Variants in DIAPH3 observed in about 807,000 individuals in gnomAD.
DIAPH3 encodes the protein protein diaphanous homolog 3.
A neutral mutation model predicts 144.3 loss-of-function variants in DIAPH3; 117 were observed. The observed-to-expected ratio is 0.81, with a 90% CI of 0.70 to 0.95. DIAPH3 has a LOEUF of 0.95. Ranked by LOEUF, DIAPH3 falls within the 40% of genes least tolerant of loss-of-function variation. The pLI is 0.00. For synonymous variants in DIAPH3, 519 were observed against 488.9 expected (o/e 1.06, Z -0.81); for missense variants, 1,421 against 1,412.7 (o/e 1.01, Z -0.09).
At chr13:59,697,151 G>A (rs1033929904) in intron 27 of DIAPH3, among the ~76,000 whole-genome samples, 2 of 151,910 alleles carry the variant, frequency 1.3e-5, no homozygotes, top group African/African-American at 4.8e-5. Context: ...TAAGACAGCA[G>A]AAAGGTTTTT....
At chr13:59,980,048 T>C (rs1293987901) in intron 14 of DIAPH3, among the ~76,000 whole-genome samples, 1 of 151,618 alleles carries the variant, frequency 6.6e-6, no homozygotes, top group African/African-American at 2.4e-5. Flanking sequence ...GTTATTTATA[T>C]CCTACTGCTT....
At position 60,098,648 on chromosome 13, in the gene DIAPH3, T is replaced by TA. The variant is rs895091113; in HGVS notation, c.391-4917dup. 2.2e-4 allele frequency among the ~76,000 whole-genome samples: 33 copies of TA among 150,142 alleles called. No individual in the cohort carries two copies. In the East Asian group the frequency reaches 4.1e-3, roughly 19 times the overall value. On this transcript the variant is annotated intron_variant, in intron 3 of 27. Transcript: ENST00000400324. The stretch of plus-strand genomic sequence containing the variant: ...ATATAGAAACACATATAGCTGACCT[T>TA]AAAAAAAAAGGCAATATAAACTATT...
At chr13:60,126,596 C>G (rs546516250) in intron 2 of DIAPH3, among the ~76,000 whole-genome samples, 8 of 152,248 alleles carry the variant, frequency 5.3e-5, no homozygotes, top group Admixed American at 5.2e-4. Context: ...AACAGCACTA[C>G]CAACCATTCA....
chr13:59,902,787 T>G (rs965711818), intron 20 of DIAPH3, among the ~76,000 whole-genome samples: 2 of 151,920 alleles, frequency 1.3e-5, no homozygotes, highest in Non-Finnish European at 2.9e-5. Context: ...AAAATAAAAG[T>G]AAAAATAAAG....
At chr13:59,679,145 C>A (rs2032799603) in intron 27 of DIAPH3, among the ~76,000 whole-genome samples, 1 of 152,186 alleles carries the variant, frequency 6.6e-6, no homozygotes, top group African/African-American at 2.4e-5. Context: ...TTCTCAGAAG[C>A]TGCTCCCTTT....
At chr13:60,109,267 G>A (rs535593678) in intron 3 of DIAPH3, among the ~76,000 whole-genome samples, 38 of 152,226 alleles carry the variant, frequency 2.5e-4, no homozygotes, top group African/African-American at 8.7e-4. Flanking sequence ...CAGTCAAGCC[G>A]ACCAGGATTT....
chr13:59,694,181 T>TA (rs1405544785), intron 27 of DIAPH3, among the ~76,000 whole-genome samples: 3 of 152,148 alleles, frequency 2.0e-5, no homozygotes, highest in African/African-American at 7.2e-5. Flanking sequence ...AGAATGGACT[T>TA]AGTCAAGGTA....
At chr13:59,984,248 A>G (rs902022752) in intron 12 of DIAPH3, among the ~76,000 whole-genome samples, 3 of 151,812 alleles carry the variant, frequency 2.0e-5, no homozygotes, top group Non-Finnish European at 4.4e-5. Flanking sequence ...GCTATCATTA[A>G]TTCACTTCAT....
intron 25 of DIAPH3, among the ~76,000 whole-genome samples, chr13:59,782,280 G>A (rs1252381557): frequency 1.3e-5 from 2 of 152,136 alleles, no homozygotes. Flanking sequence ...AAAGGAAGAG[G>A]GGTAATCCAC....
intron 27 of DIAPH3, among the ~76,000 whole-genome samples, chr13:59,678,027 A>C (rs1191108572): frequency 6.6e-6 from 1 of 152,154 alleles, no homozygotes; most frequent in Non-Finnish European, 1.5e-5. Context: ...AGTTCTGTAC[A>C]TGTTTTAGTA....
chr13:59,681,957 A>T (rs2032974152), intron 27 of DIAPH3, among the ~76,000 whole-genome samples: 1 of 152,204 alleles, frequency 6.6e-6, no homozygotes, highest in Non-Finnish European at 1.5e-5. Context: ...ACCAAAAAGA[A>T]ACTATGAGAC....
chr13:59,776,177 C>A (rs1296708507), intron 25 of DIAPH3, among the ~76,000 whole-genome samples: 2 of 152,080 alleles, frequency 1.3e-5, no homozygotes, highest in Non-Finnish European at 2.9e-5. Flanking sequence ...CAGTAGAATA[C>A]AAATAACATA....
intron 27 of DIAPH3, among the ~76,000 whole-genome samples, chr13:59,673,054 A>G (rs1593548831): frequency 6.6e-6 from 1 of 152,200 alleles, no homozygotes; most frequent in African/African-American, 2.4e-5. Context: ...ACAGTTTCCT[A>G]TGCTGAGTTT....
At chr13:60,049,006 A>G (rs1023649068) in intron 4 of DIAPH3, among the ~76,000 whole-genome samples, 1 of 152,246 alleles carries the variant, frequency 6.6e-6, no homozygotes, top group Non-Finnish European at 1.5e-5. Flanking sequence ...TTTATTCTTA[A>G]TAGTTAAAAT....
intron 17 of DIAPH3, among the ~76,000 whole-genome samples, chr13:59,939,546 T>A (rs1217557356): frequency 6.6e-6 from 1 of 152,174 alleles, no homozygotes; most frequent in East Asian, 1.9e-4. Context: ...TTGTTCTTTG[T>A]CGCATAAAGA....
chr13:60,020,601 C>T (rs577619915), intron 5 of DIAPH3, among the ~76,000 whole-genome samples: 1 of 152,236 alleles, frequency 6.6e-6, no homozygotes, highest in Admixed American at 6.5e-5. Flanking sequence ...TGGCCTCAAG[C>T]AAATCCTCTC....
chr13:60,069,961 T>C (rs1361646655), intron 4 of DIAPH3, among the ~76,000 whole-genome samples: 1 of 152,212 alleles, frequency 6.6e-6, no homozygotes, highest in Admixed American at 6.5e-5. Flanking sequence ...CTATTCAAGC[T>C]CTTTTTTGGC....
At chr13:60,051,519 C>A (rs2056344190) in intron 4 of DIAPH3, among the ~76,000 whole-genome samples, 3 of 152,068 alleles carry the variant, frequency 2.0e-5, no homozygotes, top group African/African-American at 4.8e-5. Context: ...ACTTGGGAGG[C>A]TGAGGCAGGA....
intron 21 of DIAPH3, 137 bp downstream of exon 21, chr13:59,879,092 G>A: frequency 8.1e-7 from 1 of 1,237,200 alleles, no homozygotes; most frequent in Non-Finnish European, 1.1e-6. Context: ...GTTCACTCTG[G>A]GTTTGAGTTC....
Sources: gnomAD v4.1 joint callset for allele counts (sites outside exome capture counted in the v4.1 genomes callset) on GRCh38, gnomAD v4.1.1 for gene constraint, MANE v1.5 for transcripts, NCBI Gene and HGNC (gene_info 2026-07-23, HGNC 2026-07-21) for gene names.